The following LCP1 variants were observed in gnomAD, a reference collection of about 807,000 sequenced individuals.
The protein encoded by LCP1 is plastin-2.
Under a neutral mutation model 72.0 loss-of-function variants are expected in LCP1, and 23 were observed. That is an observed-to-expected ratio of 0.32 (90% CI 0.23 to 0.45). LCP1 has a LOEUF of 0.45. Ranked by LOEUF, LCP1 falls within the 20% of genes least tolerant of loss-of-function variation. The pLI, the probability that LCP1 is intolerant of heterozygous loss-of-function variation, is 1.00. For missense variants in LCP1, 571 were observed against 748.3 expected (o/e 0.76, Z 2.76); for synonymous variants, 245 against 275.4 (o/e 0.89, Z 1.09).
At chr13:46,157,741 CT>C (rs548259648) in intron 4 of LCP1, among the ~76,000 whole-genome samples, 8,464 of 99,752 alleles carry the variant, frequency 0.085, 231 homozygotes, top group African/African-American at 0.19. Flanking sequence ...CATGACTTAT[CT>C]TTTTTTTTTT....
intron 15 of LCP1, among the ~76,000 whole-genome samples, chr13:46,128,738 G>C (rs968569563): frequency 6.6e-6 from 1 of 152,084 alleles, no homozygotes; most frequent in African/African-American, 2.4e-5. Flanking sequence ...TTTTCACATA[G>C]AATGATAATA....
At chr13:46,157,849 C>T (rs1424294810) in intron 4 of LCP1, among the ~76,000 whole-genome samples, 16 of 148,504 alleles carry the variant, frequency 1.1e-4, no homozygotes. Context: ...TGGGCTCAAG[C>T]GATTCTCCTG....
intron 1 of LCP1, among the ~76,000 whole-genome samples, chr13:46,162,788 G>T (rs1368232170): frequency 1.3e-5 from 2 of 151,890 alleles, no homozygotes; most frequent in Admixed American, 1.3e-4. Flanking sequence ...GAGCGCCTCT[G>T]CCCCGCCGCC....
intron 2 of LCP1, 62 bp downstream of exon 2, chr13:46,159,537 C>G: frequency 2.2e-6 from 3 of 1,343,526 alleles, no homozygotes; most frequent in Non-Finnish European, 3.2e-6. Context: ...TTCATTGAAT[C>G]TACCCTGAAG....
intron 13 of LCP1, among the ~76,000 whole-genome samples, chr13:46,135,567 T>C (rs1405100680): frequency 6.6e-6 from 1 of 152,204 alleles, no homozygotes; most frequent in Non-Finnish European, 1.5e-5. Flanking sequence ...CTTCCCATTA[T>C]TGAAGAGAGG....
At chr13:46,130,258 G>A (rs1235808043) in intron 15 of LCP1, among the ~76,000 whole-genome samples, 1 of 152,230 alleles carries the variant, frequency 6.6e-6, no homozygotes, top group East Asian at 1.9e-4. Context: ...ATGCAACTCT[G>A]CTGTTATAGC....
At chr13:46,175,033 G>C (rs942256050) in intron 1 of LCP1, among the ~76,000 whole-genome samples, 1 of 151,878 alleles carries the variant, frequency 6.6e-6, no homozygotes, top group Non-Finnish European at 1.5e-5. Context: ...GAGAGGAAAG[G>C]TGTGAATCTT....
intron 1 of LCP1, among the ~76,000 whole-genome samples, chr13:46,168,982 G>C (rs2045891684): frequency 6.6e-6 from 1 of 152,166 alleles, no homozygotes; most frequent in East Asian, 1.9e-4. Context: ...AATGAATGTA[G>C]TAAGAATAGC....
intron 13 of LCP1, among the ~76,000 whole-genome samples, chr13:46,138,365 C>T (rs1192774253): frequency 1.3e-5 from 2 of 152,156 alleles, no homozygotes; most frequent in African/African-American, 4.8e-5. Flanking sequence ...AAAATCCCTT[C>T]CGGTGCCATT....
At position 46,152,964 on chromosome 13, in the gene LCP1, G is replaced by A. The variant is rs751098034; in HGVS notation, c.574-19C>T. The A allele has an allele frequency of 6.3e-7, 1 of 1,599,704 alleles. No homozygotes were observed. The highest frequency in any genetic ancestry group is 1.8e-5 in the Admixed American group (1 of 56,246). ...GATTTTCCTGAGGGAGAAAATGTAT[G>A]CAAGTTTTTGTTCTATGACTTTGTA... On this transcript the variant is annotated intron_variant, in intron 6 of 15. Transcript: ENST00000323076.
At chr13:46,142,447 C>G in intron 12 of LCP1, 22 bp from the exon 13 acceptor site, 1 of 1,609,078 alleles carries the variant, frequency 6.2e-7, no homozygotes, top group Non-Finnish European at 8.5e-7. Context: ...GAAAGGAAAA[C>G]GATTTAACGT....
intron 13 of LCP1, among the ~76,000 whole-genome samples, chr13:46,135,108 CA>C (rs11438431): frequency 1.5e-4 from 15 of 97,124 alleles, no homozygotes; most frequent in Non-Finnish European, 1.4e-4. Context: ...GACTCTGTCT[CA>C]AAAAAAAAAA....
rs77929304 is a variant in LCP1 at position 46,161,785 on chromosome 13, C to T, written c.-24-2099G>A. The stretch of plus-strand genomic sequence containing the variant: ...TACTTAAAATACATGCCTAAGACCC[C>T]GCATGTTTTGCTACAAGTAGGCTGA... On this transcript the variant is annotated intron_variant, in intron 1 of 15. Transcript: ENST00000323076. 5.3e-3 allele frequency among the ~76,000 whole-genome samples: 809 copies of T among 152,270 alleles called. 4 individuals carry two copies. The highest frequency in any genetic ancestry group is 0.019 in the African/African-American group (779 of 41,544).
rs896305497 is a variant in LCP1 at position 46,148,462 on chromosome 13, G to A, written c.883-15C>T. The A allele has an allele frequency of 6.5e-7, 1 of 1,547,958 alleles. No individual in the cohort carries two copies. The highest frequency in any genetic ancestry group is 1.4e-5 in the African/African-American group (1 of 73,352). ...GCTTTTGAGTCCTGTGAGAAATTAA[G>A]AAATTCCAATTTCAAAATAGCACAG... is the stretch of plus-strand genomic sequence containing the variant. On this transcript the variant is annotated splice_polypyrimidine_tract_variant and intron_variant, in intron 8 of 15. Transcript: ENST00000323076.
intron 4 of LCP1, among the ~76,000 whole-genome samples, chr13:46,157,224 A>C (rs958596478): frequency 1.6e-4 from 24 of 151,092 alleles, no homozygotes; most frequent in Non-Finnish European, 2.4e-4. Flanking sequence ...ATACATAAAT[A>C]ATAAAAATAT....
chr13:46,129,100 G>A (rs1174975207), intron 15 of LCP1, among the ~76,000 whole-genome samples: 1 of 152,090 alleles, frequency 6.6e-6, no homozygotes, highest in Non-Finnish European at 1.5e-5. Flanking sequence ...ATAAAACACA[G>A]AGGGAAAACG....
At chr13:46,151,126 G>T in intron 7 of LCP1, 48 bp from the exon 8 acceptor site, 2 of 1,569,202 alleles carry the variant, frequency 1.3e-6, no homozygotes, top group Admixed American at 2.1e-5. Context: ...CGATGTTGGG[G>T]GAGGGGGGTT....
intron 1 of LCP1, among the ~76,000 whole-genome samples, chr13:46,175,867 A>G (rs2209090): frequency 0.31 from 46,391 of 152,094 alleles, 7,814 homozygotes; most frequent in South Asian, 0.42. Context: ...AACTACAGGC[A>G]TGATCTTCTC....
Position 46,158,958 on chromosome 13 carries a change from A to T in LCP1, c.96T>A (p.Asn32Lys), listed in dbSNP as rs1270340001. ...DTDGNGYISF[N>K]ELNDLFKAAC... ...CAGCCTTGAACAAGTCATTCAACTCATTGAAGCTGATGTATCCATTGCCAT... is the reference window on the plus strand; with the variant it reads ...CAGCCTTGAACAAGTCATTCAACTCTTTGAAGCTGATGTATCCATTGCCAT... Residue 32 changes from asparagine (N) to lysine (K), a missense_variant, in exon 3 of 16, where the codon AAT becomes AAA. By Grantham distance (94) the Asn-to-Lys change is moderately conservative (BLOSUM62 0). Coordinates refer to ENST00000323076, the MANE Select transcript of LCP1 (RefSeq NM_002298.5). 1 of 1,614,148 alleles carries T rather than the reference A, an allele frequency of 6.2e-7. No homozygotes were observed. The highest frequency in any genetic ancestry group is 1.7e-5 in the Admixed American group (1 of 60,032).
Sources: allele counts gnomAD v4.1 joint callset (sites outside exome capture counted in the v4.1 genomes callset), GRCh38; gene constraint gnomAD v4.1.1; transcripts MANE v1.5; gene names NCBI Gene and HGNC (gene_info 2026-07-23, HGNC 2026-07-21).